WDFY4: variants seen among roughly 807,000 people sequenced by gnomAD.
WDFY4 encodes the protein WDFY family member 4.
A neutral mutation model predicts 351.9 loss-of-function variants in WDFY4; 169 were observed. That is an observed-to-expected ratio of 0.48 (90% CI 0.42 to 0.55). The LOEUF (loss-of-function observed/expected upper bound fraction) is 0.55, where lower values mean the gene tolerates loss of function less well. Among genes scored for constraint, WDFY4 ranks in the 20% least tolerant of loss-of-function variants. The probability of loss-of-function intolerance (pLI) is 0.00; values close to 1 mark genes in which losing one functional copy is unlikely to be tolerated. For synonymous variants in WDFY4, 1,622 were observed against 1,574.6 expected, an observed-to-expected ratio of 1.03 and a Z score of -0.71; for missense variants, 3,803 against 3,935.6, an observed-to-expected ratio of 0.97 and a Z score of 0.90.
intron 2 of WDFY4, among the ~76,000 whole-genome samples, chr10:48,710,212 T>C (rs1377694268): frequency 6.6e-6 from 1 of 152,186 alleles, no homozygotes; most frequent in Non-Finnish European, 1.5e-5. Flanking sequence ...GCACATTAAG[T>C]GTCTGGTAAG....
intron 59 of WDFY4, 106 bp from the exon 60 acceptor site, chr10:48,978,203 A>C (rs1383497900): frequency 2.6e-6 from 3 of 1,141,580 alleles, no homozygotes; most frequent in African/African-American, 3.1e-5. Context: ...CCATGTGTTC[A>C]TCCTTTCCCT....
chr10:48,701,323 A>C (rs1005993540), intron 1 of WDFY4, among the ~76,000 whole-genome samples: 6 of 152,206 alleles, frequency 3.9e-5, no homozygotes, highest in Admixed American at 6.5e-5. Flanking sequence ...ATCATTGGAC[A>C]CTGGCTTGTC....
chr10:48,767,841 T>C (rs1229310718), intron 13 of WDFY4, among the ~76,000 whole-genome samples: 1 of 151,806 alleles, frequency 6.6e-6, no homozygotes, highest in African/African-American at 2.4e-5. Context: ...CTTTTGGGGG[T>C]GGGTGAGCTT....
chr10:48,795,491 GTATATATA>G lies in WDFY4; in HGVS notation c.4258-782_4258-775del, dbSNP rs60705301. On this transcript the variant is annotated intron_variant, in intron 23 of 61. Coordinates refer to ENST00000325239, the MANE Select transcript of WDFY4 (RefSeq NM_001394531.1). ...TGGGATTTCATATATGTGTGTGTCT[GTATATATA>G]TATATATATATATATATATATATAC... Among the ~76,000 whole-genome samples the G allele has an allele frequency of 1.6e-4, 16 of 101,234 alleles. 1 individual carries two copies. The highest frequency in any genetic ancestry group is 6.4e-4 in the African/African-American group (14 of 22,004). The allele number at this position is 101,234 out of a possible 152,430, so 66.4% of individuals were successfully genotyped here. A position where few individuals can be genotyped will look rare whatever the true frequency, so the allele number is the denominator to read the frequency against.
intron 24 of WDFY4, among the ~76,000 whole-genome samples, chr10:48,798,951 C>T (rs2066964394): frequency 6.6e-6 from 1 of 152,100 alleles, no homozygotes; most frequent in Non-Finnish European, 1.5e-5. Context: ...TCCCTGTGCA[C>T]AAGGGGAAAG....
chr10:48,787,897 CTTCTTCTT>C (rs2066499433), intron 20 of WDFY4, among the ~76,000 whole-genome samples: 16 of 26,076 alleles, frequency 6.1e-4, no homozygotes, highest in African/African-American at 7.2e-4. Flanking sequence ...TCTTCTCCTT[CTTCTTCTT>C]CTTCTTCTTC....
chr10:48,902,008 CT>C (rs1267405365), intron 47 of WDFY4, 145 bp downstream of exon 47: 3 of 743,182 alleles, frequency 4.0e-6, no homozygotes, highest in Non-Finnish European at 6.8e-6. Context: ...CCTATACATC[CT>C]TCATCCTACT....
intron 48 of WDFY4, 21 bp from the exon 49 acceptor site, chr10:48,943,309 C>G (rs1174033204): frequency 7.1e-6 from 11 of 1,551,086 alleles, no homozygotes; most frequent in Non-Finnish European, 9.6e-6. Flanking sequence ...TGGTTTATCC[C>G]CTTTCTGTCT....
At chr10:48,873,807 T>C (rs1014278876) in intron 41 of WDFY4, 110 bp downstream of exon 41, 5 of 1,250,374 alleles carry the variant, frequency 4.0e-6, no homozygotes, top group African/African-American at 1.5e-5. Context: ...AGATAACACA[T>C]GCAGTTAAAT....
chr10:48,876,011 T>G (rs1328296257), intron 42 of WDFY4, among the ~76,000 whole-genome samples: 2 of 152,252 alleles, frequency 1.3e-5, no homozygotes, highest in East Asian at 3.8e-4. Context: ...AAGCATGAAC[T>G]GATCTTTTTG....
chr10:48,874,294 C>T lies in WDFY4; in HGVS notation c.6948+597C>T, dbSNP rs78040108. Among the ~76,000 whole-genome samples the T allele has an allele frequency of 4.3e-3, 654 of 152,206 alleles. 9 individuals carry two copies. The highest frequency in any genetic ancestry group is 0.015 in the African/African-American group (631 of 41,524). ...ACTGTGTCGCAAACTCTTATTTTGCCTTTTAAAAGAAAAGAAGCCAGTTGG... is the reference window on the plus strand; with the variant it reads ...ACTGTGTCGCAAACTCTTATTTTGCTTTTTAAAAGAAAAGAAGCCAGTTGG... On this transcript the variant is annotated intron_variant, in intron 41 of 61. Coordinates refer to ENST00000325239, the MANE Select transcript of WDFY4 (RefSeq NM_001394531.1).
At chr10:48,935,100 A>C (rs1044993494) in intron 47 of WDFY4, 1 of 152,280 alleles carries the variant, frequency 6.6e-6, no homozygotes, top group Non-Finnish European at 1.5e-5. Flanking sequence ...AAAGAGAAAA[A>C]GTAGAGATCC....
At chr10:48,772,056 G>A (rs1258528230) in intron 13 of WDFY4, among the ~76,000 whole-genome samples, 2 of 152,184 alleles carry the variant, frequency 1.3e-5, no homozygotes, top group Non-Finnish European at 2.9e-5. Flanking sequence ...ACAAACTGCG[G>A]CAAAGGTATA....
chr10:48,850,914 T>C (rs2068936882), intron 39 of WDFY4, among the ~76,000 whole-genome samples: 1 of 152,226 alleles, frequency 6.6e-6, no homozygotes, highest in Non-Finnish European at 1.5e-5. Context: ...TGACAAACAA[T>C]ACTAATGGCC....
chr10:48,913,669 T>A (rs145385330), intron 47 of WDFY4: 2 of 1,613,716 alleles, frequency 1.2e-6, no homozygotes, highest in Non-Finnish European at 1.7e-6. Flanking sequence ...AGCTTGGAGA[T>A]GCTCACGGGG....
At chr10:48,893,732 G>T (rs1213865315) in intron 44 of WDFY4, among the ~76,000 whole-genome samples, 2 of 152,144 alleles carry the variant, frequency 1.3e-5, no homozygotes, top group Non-Finnish European at 1.5e-5. Context: ...TCAAATGTGG[G>T]CCAAATCGAA....
intron 25 of WDFY4, chr10:48,804,753 T>A: frequency 2.0e-6 from 2 of 980,822 alleles, no homozygotes; most frequent in Non-Finnish European, 2.4e-6. Flanking sequence ...TTACTGGAAA[T>A]TGGATTTGTG....
chr10:48,851,832 T>C (rs2068967354), intron 39 of WDFY4, among the ~76,000 whole-genome samples: 2 of 152,208 alleles, frequency 1.3e-5, no homozygotes, highest in Non-Finnish European at 2.9e-5. Flanking sequence ...TGACCCTCCA[T>C]GGAGATGTGC....
chr10:48,804,562 CAAAAAAAAA>C (rs58660119), intron 25 of WDFY4, among the ~76,000 whole-genome samples: 3 of 101,658 alleles, frequency 3.0e-5, no homozygotes, highest in Admixed American at 1.0e-4. Flanking sequence ...TGTGTTAATA[CAAAAAAAAA>C]AAAAAAAAAA....
Sources: gnomAD v4.1 joint callset for allele counts (sites outside exome capture counted in the v4.1 genomes callset) on GRCh38, gnomAD v4.1.1 for gene constraint, MANE v1.5 for transcripts, NCBI Gene and HGNC (gene_info 2026-07-23, HGNC 2026-07-21) for gene names.